GDAP1L1: variants seen among roughly 807,000 people sequenced by gnomAD.
GDAP1L1 encodes ganglioside-induced differentiation-associated protein 1-like 1.
Under a neutral mutation model 37.1 loss-of-function variants are expected in GDAP1L1, and 21 were observed. That is an observed-to-expected ratio of 0.57 (90% confidence interval 0.40 to 0.81). The LOEUF (loss-of-function observed/expected upper bound fraction) is 0.81. GDAP1L1 is among the 40% of genes least tolerant of loss of function. GDAP1L1 has a pLI of 0.00. For missense variants in GDAP1L1, 362 were observed against 491.6 expected, an observed-to-expected ratio of 0.74 and a Z score of 2.49; for synonymous variants, 193 against 209.1, an observed-to-expected ratio of 0.92 and a Z score of 0.67.
At chr20:44,276,406 AAAAGAAAAAGAAAG>A (rs1454023789) in intron 5 of GDAP1L1, among the ~76,000 whole-genome samples, 1 of 108,678 alleles carries the variant, frequency 9.2e-6, no homozygotes, top group African/African-American at 3.6e-5. Flanking sequence ...AGGGAAAGAA[AAAAGAAAAAGAAAG>A]AAAGAAAGAA....
At position 44,258,494 on chromosome 20, in the gene GDAP1L1, A is replaced by G. The variant is rs1322707685; in HGVS notation, c.434A>G (p.Tyr145Cys). 1 of 1,560,796 alleles carries G rather than the reference A, an allele frequency of 6.4e-7. No homozygotes were observed. The highest frequency in any genetic ancestry group is 1.9e-5 in the Admixed American group (1 of 52,356). ...CTGCAGCACGCACGGGTGCTGCAGT[A>G]CCGGGAGCTGCTGGACGCACTGCCC... ...GSLQHARVLQ[Y>C]RELLDALPMD... The change falls in exon 3 of 6, where the codon TAC becomes TGC. Residue 145 changes from tyrosine to cysteine, a missense_variant. Tyr to Cys is a radical substitution (Grantham distance 194). Transcript: ENST00000342560.
At chr20:44,263,724 G>T (rs1261828953) in intron 4 of GDAP1L1, among the ~76,000 whole-genome samples, 1 of 152,148 alleles carries the variant, frequency 6.6e-6, no homozygotes. Flanking sequence ...GATGCCTGTA[G>T]TCCCAGTTAC....
Position 44,279,675 on chromosome 20 carries a change from G to T in GDAP1L1, c.*375G>T, listed in dbSNP as rs1254833028. ...GGCCCAGATTCTGGGAGGTGCTGGG[G>T]ACTCAGAGGGCCTGACCCCTCACCT... On this transcript the variant is annotated 3_prime_UTR_variant, in exon 6 of 6. Transcript: ENST00000342560. 2 of 478,396 alleles carry T rather than the reference G, an allele frequency of 4.2e-6. No homozygotes were observed. The highest frequency in any genetic ancestry group is 3.1e-5 in the South Asian group (2 of 64,654). 29.6% of individuals were successfully genotyped at this position (478,396 alleles called of 1,614,324 possible).
intron 5 of GDAP1L1, among the ~76,000 whole-genome samples, chr20:44,266,295 G>C (rs2146031087): frequency 6.6e-6 from 1 of 151,710 alleles, no homozygotes; most frequent in African/African-American, 2.4e-5. Context: ...GGGACAGAGA[G>C]AGACTCCATC....
Position 44,280,248 on chromosome 20 carries a change from T to C in GDAP1L1, c.*948T>C, listed in dbSNP as rs1447371918. The C allele has an allele frequency of 6.3e-6, 1 of 158,436 alleles. No individual in the cohort carries two copies. Among genetic ancestry groups the C allele is most frequent in the Non-Finnish European group, 1.4e-5 (1 of 71,738 alleles). The allele number at this position is 158,436 out of a possible 1,614,324, so 9.8% of individuals were successfully genotyped here. ...CGGGGAGAGCGGGGAAGTCTCTGCA[T>C]CCATGCCACCCACCCCAGTCGGGTC... On this transcript the variant is annotated 3_prime_UTR_variant, in exon 6 of 6. Transcript: ENST00000342560.
chr20:44,266,614 T>G (rs1006790253), intron 5 of GDAP1L1, among the ~76,000 whole-genome samples: 4 of 152,148 alleles, frequency 2.6e-5, no homozygotes, highest in African/African-American at 9.7e-5. Flanking sequence ...CAGATCAAGG[T>G]GCCTGTGGGG....
At chr20:44,247,291 C>T, upstream of GDAP1L1, 3 of 1,601,696 alleles carry the variant, frequency 1.9e-6, no homozygotes, top group Non-Finnish European at 2.6e-6. Context: ...AGAGAGCCGC[C>T]GCGCCGGAGC....
At chr20:44,254,332 C>T (rs543092896) in intron 1 of GDAP1L1, among the ~76,000 whole-genome samples, 5 of 152,226 alleles carry the variant, frequency 3.3e-5, no homozygotes, top group Admixed American at 6.5e-5. Flanking sequence ...CACGCAGACA[C>T]GCAAACACAT....
chr20:44,258,146 C>A, intron 2 of GDAP1L1: 1 of 717,422 alleles, frequency 1.4e-6, no homozygotes, highest in Non-Finnish European at 2.6e-6. Flanking sequence ...GCATTGAGCA[C>A]CCAGGTTGCA....
chr20:44,267,904 C>T (rs1600554212), intron 5 of GDAP1L1, among the ~76,000 whole-genome samples: 1 of 152,224 alleles, frequency 6.6e-6, no homozygotes, highest in Admixed American at 6.5e-5. Context: ...GACAGCATTG[C>T]ACTGTCCCAT....
In GDAP1L1 at chr20:44,274,009, T is replaced by C. The variant is rs62205989; in HGVS notation, c.761-4948T>C. On this transcript the variant is annotated intron_variant, in intron 5 of 5. Coordinates refer to ENST00000342560, the MANE Select transcript of GDAP1L1 (RefSeq NM_024034.6). ...TCTTAGCATCTCTGAAACTGGAATG[T>C]TTATTCCAGTCAATAGTTTAATTCT... is the stretch of plus-strand genomic sequence containing the variant. Among the ~76,000 whole-genome samples the C allele has an allele frequency of 8.6e-3, 1,307 of 152,280 alleles. 17 individuals are homozygous for C. Among genetic ancestry groups the C allele is most frequent in the East Asian group, 0.051 (266 of 5,182 alleles).
At position 44,263,088 on chromosome 20, in the gene GDAP1L1, A is replaced by T. The variant is rs148358873; in HGVS notation, c.548-142A>T. ...CATCCATCACTACGGCACAGCCTGC[A>T]GTGCTCCCTAAGTGTTGGCTGTCGA... On this transcript the variant is annotated intron_variant, in intron 3 of 5. Coordinates refer to ENST00000342560, the MANE Select transcript of GDAP1L1 (RefSeq NM_024034.6). 240 of 698,156 alleles carry T rather than the reference A, an allele frequency of 3.4e-4. No homozygotes were observed. The African/African-American group carries it at 3.5e-3, about 10-fold the overall frequency. 43.2% of individuals were successfully genotyped at this position (698,156 alleles called of 1,614,324 possible). A position where few individuals can be genotyped will look rare whatever the true frequency, so the allele number is the denominator to read the frequency against.
At chr20:44,257,492 A>C (rs2073581177) in intron 2 of GDAP1L1, 147 bp downstream of exon 2, 4 of 820,104 alleles carry the variant, frequency 4.9e-6, no homozygotes, top group Non-Finnish European at 7.5e-6. Flanking sequence ...AAAAGGAGCC[A>C]CAGAGCCACA....
At chr20:44,263,999 G>C (rs887176614) in intron 4 of GDAP1L1, among the ~76,000 whole-genome samples, 2 of 152,214 alleles carry the variant, frequency 1.3e-5, no homozygotes, top group Admixed American at 1.3e-4. Flanking sequence ...AGCCTCAATT[G>C]ATTCCACAGG....
At chr20:44,256,241 T>C (rs1014398489) in intron 1 of GDAP1L1, among the ~76,000 whole-genome samples, 7 of 152,166 alleles carry the variant, frequency 4.6e-5, no homozygotes, top group African/African-American at 1.7e-4. Context: ...CTAGGGGCTG[T>C]TGTGAGTTTC....
intron 5 of GDAP1L1, among the ~76,000 whole-genome samples, chr20:44,271,562 C>T (rs2062515767): frequency 6.6e-6 from 1 of 152,120 alleles, no homozygotes; most frequent in Non-Finnish European, 1.5e-5. Flanking sequence ...CTGAAGAGTG[C>T]ATGGGAGGAG....
intron 5 of GDAP1L1, among the ~76,000 whole-genome samples, chr20:44,270,522 A>G (rs2062503891): frequency 6.6e-6 from 1 of 152,022 alleles, no homozygotes; most frequent in African/African-American, 2.4e-5. Flanking sequence ...GTGGATCTGG[A>G]GTTCTGGAGC....
intron 5 of GDAP1L1, among the ~76,000 whole-genome samples, chr20:44,269,676 A>G (rs2062492456): frequency 6.6e-6 from 1 of 152,180 alleles, no homozygotes; most frequent in African/African-American, 2.4e-5. Context: ...TCACACCTGT[A>G]ATCCCAGCAC....
chr20:44,260,024 G>A (rs1395743091), intron 3 of GDAP1L1, among the ~76,000 whole-genome samples: 1 of 152,146 alleles, frequency 6.6e-6, no homozygotes, highest in African/African-American at 2.4e-5. Context: ...TGTCAAACAT[G>A]AGAAAGCCCA....
Sources: allele counts gnomAD v4.1 joint callset (sites outside exome capture counted in the v4.1 genomes callset), GRCh38; gene constraint gnomAD v4.1.1; transcripts MANE v1.5; gene names NCBI Gene and HGNC (gene_info 2026-07-23, HGNC 2026-07-21).